The following SNTG1 variants were observed in gnomAD, a reference collection of about 807,000 sequenced individuals.
The protein encoded by SNTG1 is syntrophin gamma 1.
A neutral mutation model predicts 74.7 loss-of-function variants in SNTG1; 39 were observed. The ratio of observed to expected loss-of-function variants is 0.52; its 90% CI spans 0.40 to 0.68. The LOEUF (loss-of-function observed/expected upper bound fraction) is 0.68. Ranked by LOEUF, SNTG1 falls within the 30% of genes least tolerant of loss-of-function variation. The pLI is 0.00. For synonymous variants in SNTG1, 254 were observed against 217.1 expected (o/e 1.17, Z -1.49); for missense variants, 685 against 609.5 (o/e 1.12, Z -1.30).
intron 12 of SNTG1, among the ~76,000 whole-genome samples, chr8:50,582,549 T>G (rs1330544541): frequency 2.0e-5 from 3 of 152,120 alleles, no homozygotes; most frequent in South Asian, 2.1e-4. Context: ...TGTGGGTGTG[T>G]GTGTGTGTAC....
chr8:50,256,225 A>G (rs1377525307), intron 2 of SNTG1, among the ~76,000 whole-genome samples: 4 of 152,056 alleles, frequency 2.6e-5, no homozygotes, highest in African/African-American at 9.7e-5. Flanking sequence ...CAAGCCTTTC[A>G]TGTCTTTGTA....
chr8:50,390,861 GCT>G (rs921174889), intron 2 of SNTG1, among the ~76,000 whole-genome samples: 24 of 152,036 alleles, frequency 1.6e-4, no homozygotes, highest in African/African-American at 5.8e-4. Flanking sequence ...TCTTTATTTG[GCT>G]CTCTGTTTGT....
intron 2 of SNTG1, among the ~76,000 whole-genome samples, chr8:50,243,345 G>A (rs1357277413): frequency 6.6e-6 from 1 of 152,094 alleles, no homozygotes; most frequent in East Asian, 1.9e-4. Flanking sequence ...TGAATTTATA[G>A]ATATTTTTGA....
intron 2 of SNTG1, among the ~76,000 whole-genome samples, chr8:50,281,413 G>A: frequency 6.6e-6 from 1 of 152,048 alleles, no homozygotes; most frequent in African/African-American, 2.4e-5. Flanking sequence ...TATATTTTTG[G>A]TTTACATAAC....
intron 2 of SNTG1, among the ~76,000 whole-genome samples, chr8:50,339,064 C>T (rs1013727170): frequency 1.3e-5 from 2 of 151,978 alleles, no homozygotes; most frequent in African/African-American, 4.8e-5. Flanking sequence ...AATCACCTTA[C>T]TTAGAGAGGT....
intron 12 of SNTG1, among the ~76,000 whole-genome samples, chr8:50,580,634 A>T (rs2094604426): frequency 6.6e-6 from 1 of 152,112 alleles, no homozygotes; most frequent in East Asian, 1.9e-4. Flanking sequence ...ATGGTTTTAT[A>T]AGGGGATTTT....
chr8:50,202,730 C>A (rs978874780), intron 2 of SNTG1, among the ~76,000 whole-genome samples: 1 of 150,346 alleles, frequency 6.7e-6, no homozygotes, highest in Non-Finnish European at 1.5e-5. Context: ...TACCCTTTTT[C>A]TTCTAAAGGT....
At chr8:50,743,823 G>A (rs1187159735) in intron 17 of SNTG1, among the ~76,000 whole-genome samples, 2 of 151,938 alleles carry the variant, frequency 1.3e-5, no homozygotes, top group Non-Finnish European at 2.9e-5. Flanking sequence ...AAAGGAAAGA[G>A]GTTTAGTTGG....
intron 17 of SNTG1, among the ~76,000 whole-genome samples, chr8:50,715,956 C>A (rs1230464634): frequency 6.6e-6 from 1 of 152,176 alleles, no homozygotes; most frequent in Non-Finnish European, 1.5e-5. Flanking sequence ...TTTCTAGAAT[C>A]TTTCAAGGTA....
At chr8:50,369,422 C>A (rs1000424876) in intron 2 of SNTG1, among the ~76,000 whole-genome samples, 1 of 151,978 alleles carries the variant, frequency 6.6e-6, no homozygotes, top group Admixed American at 6.6e-5. Context: ...CATGGGGAAA[C>A]CCCATCTCTA....
intron 1 of SNTG1, among the ~76,000 whole-genome samples, chr8:50,103,612 T>C (rs2080240129): frequency 1.3e-5 from 2 of 152,180 alleles, no homozygotes; most frequent in Non-Finnish European, 1.5e-5. Flanking sequence ...ATAGGAGTGG[T>C]GAGAGAGGGC....
intron 2 of SNTG1, among the ~76,000 whole-genome samples, chr8:50,371,013 C>T (rs1482156341): frequency 1.3e-5 from 2 of 152,132 alleles, no homozygotes; most frequent in African/African-American, 4.8e-5. Context: ...GAAACATGAA[C>T]TTAAATGTGG....
chr8:50,133,485 C>T (rs2081378293), intron 1 of SNTG1, among the ~76,000 whole-genome samples: 1 of 152,094 alleles, frequency 6.6e-6, no homozygotes, highest in African/African-American at 2.4e-5. Context: ...TATTGGCTCC[C>T]TAGGGCTGCC....
intron 1 of SNTG1, among the ~76,000 whole-genome samples, chr8:49,971,899 A>G (rs1226283853): frequency 6.6e-6 from 1 of 152,208 alleles, no homozygotes; most frequent in Non-Finnish European, 1.5e-5. Flanking sequence ...TTCCATGCTC[A>G]TGGGTAGGAA....
Position 50,730,813 on chromosome 8 carries a change from T to C in SNTG1, c.1285-21188T>C, listed in dbSNP as rs369906752. Among the ~76,000 whole-genome samples the C allele has an allele frequency of 1.0e-3, 153 of 152,302 alleles. 1 individual carries two copies. The South Asian group carries it at 0.023, about 22-fold the overall frequency. ...AGAAGCATCACCATTAGTACTTGTA[T>C]TCAGGTGACTTCTGACATTCAAGTT... On this transcript the variant is annotated intron_variant, in intron 17 of 18. Coordinates refer to ENST00000642720, the MANE Select transcript of SNTG1 (RefSeq NM_018967.5).
intron 2 of SNTG1, among the ~76,000 whole-genome samples, chr8:50,254,159 C>G (rs1199072337): frequency 6.6e-6 from 1 of 152,036 alleles, no homozygotes; most frequent in Non-Finnish European, 1.5e-5. Context: ...CATTGTATGC[C>G]ATAAATATGT....
intron 1 of SNTG1, among the ~76,000 whole-genome samples, chr8:50,016,620 T>C (rs1427504867): frequency 6.6e-6 from 1 of 152,178 alleles, no homozygotes; most frequent in East Asian, 1.9e-4. Flanking sequence ...TTGTTGATGA[T>C]GCAAGTTGTC....
chr8:50,375,201 G>C (rs1470493228), intron 2 of SNTG1, among the ~76,000 whole-genome samples: 2 of 152,070 alleles, frequency 1.3e-5, no homozygotes, highest in Non-Finnish European at 2.9e-5. Context: ...TGAGATGTTT[G>C]CATTACTGAC....
In SNTG1 at chr8:50,224,614, C is replaced by T. The variant is rs117682577; in HGVS notation, c.-28+51979C>T. 9.9e-5 allele frequency among the ~76,000 whole-genome samples: 15 copies of T among 152,264 alleles called. 1 individual carries two copies. The East Asian group carries it at 2.7e-3, about 28-fold the overall frequency. On this transcript the variant is annotated intron_variant, in intron 2 of 18. Transcript: ENST00000642720. ...TTCTAAGCACCCCCCAACCAACTGA[C>T]TGGACTCCTCTCAGCTAAGGGCATT...
Sources: allele counts gnomAD v4.1 joint callset (sites outside exome capture counted in the v4.1 genomes callset), GRCh38; gene constraint gnomAD v4.1.1; transcripts MANE v1.5; gene names NCBI Gene and HGNC (gene_info 2026-07-23, HGNC 2026-07-21).